Variants in KIAA1217 observed in about 807,000 individuals in gnomAD.
KIAA1217 encodes the protein sickle tail protein homolog.
A neutral mutation model predicts 163.9 loss-of-function variants in KIAA1217; 88 were observed. The ratio of observed to expected loss-of-function variants is 0.54; its 90% CI spans 0.45 to 0.64. The LOEUF (loss-of-function observed/expected upper bound fraction) is 0.64, where lower values mean the gene tolerates loss of function less well. Among genes scored for constraint, KIAA1217 ranks in the 30% least tolerant of loss-of-function variants. The pLI is 0.00. For missense variants in KIAA1217, 2,372 were observed against 2,475.0 expected, an observed-to-expected ratio of 0.96 and a Z score of 0.88; for synonymous variants, 903 against 923.1, an observed-to-expected ratio of 0.98 and a Z score of 0.39.
intron 2 of KIAA1217, among the ~76,000 whole-genome samples, chr10:24,226,442 C>G (rs901656162): frequency 6.6e-6 from 1 of 151,210 alleles, no homozygotes; most frequent in Non-Finnish European, 1.5e-5. Context: ...CTGGCTAACA[C>G]GGTGAAACCC....
chr10:24,009,390 T>C (rs182552708), intron 2 of KIAA1217, among the ~76,000 whole-genome samples: 4 of 152,238 alleles, frequency 2.6e-5, no homozygotes, highest in Admixed American at 1.3e-4. Context: ...GATTTTTTTT[T>C]TTAAAGCCCA....
chr10:23,941,444 A>G (rs1365170381), intron 1 of KIAA1217, among the ~76,000 whole-genome samples: 1 of 152,202 alleles, frequency 6.6e-6, no homozygotes, highest in Admixed American at 6.5e-5. Context: ...GACCCTGGAT[A>G]ATGGGACCAC....
At chr10:23,899,036 A>G (rs1841840763) in intron 1 of KIAA1217, among the ~76,000 whole-genome samples, 2 of 152,058 alleles carry the variant, frequency 1.3e-5, no homozygotes, top group Non-Finnish European at 2.9e-5. Context: ...CCACTATTTC[A>G]TAACTTATTT....
Position 24,538,732 on chromosome 10 carries a change from G to GTTTTTTTTTTT in KIAA1217, c.3534+1847_3534+1857dup, listed in dbSNP as rs756717624. The stretch of plus-strand genomic sequence containing the variant: ...AATATATTGATTTTTATTGTTTTTG[G>GTTTTTTTTTTT]TTTTTTTTTTTTTTTTTTGTGAGAC... On this transcript the variant is annotated intron_variant, in intron 17 of 20. Coordinates refer to ENST00000376454, the MANE Select transcript of KIAA1217 (RefSeq NM_019590.5). Among the ~76,000 whole-genome samples the GTTTTTTTTTTT allele has an allele frequency of 9.1e-5, 8 of 87,752 alleles. 1 individual carries two copies. The highest frequency in any genetic ancestry group is 1.5e-4 in the Non-Finnish European group (7 of 45,750). 57.6% of individuals were successfully genotyped at this position (87,752 alleles called of 152,430 possible). A position where few individuals can be genotyped will look rare whatever the true frequency, so the allele number is the denominator to read the frequency against.
chr10:24,267,700 T>A (rs2076367651), intron 2 of KIAA1217, among the ~76,000 whole-genome samples: 1 of 152,224 alleles, frequency 6.6e-6, no homozygotes, highest in Non-Finnish European at 1.5e-5. Context: ...CCATTATTTT[T>A]GTATTTTGTA....
chr10:24,224,009 T>A (rs567957889), intron 2 of KIAA1217, among the ~76,000 whole-genome samples: 1 of 152,208 alleles, frequency 6.6e-6, no homozygotes. Context: ...GCAAAACTTC[T>A]GTTTGTCTTT....
chr10:24,316,371 T>C (rs2043372525), intron 2 of KIAA1217, among the ~76,000 whole-genome samples: 1 of 152,202 alleles, frequency 6.6e-6, no homozygotes, highest in Admixed American at 6.5e-5. Context: ...GACTTTCAAT[T>C]TTAAAACTGA....
At chr10:24,218,750 A>G (rs2069182516) in intron 1 of KIAA1217, among the ~76,000 whole-genome samples, 1 of 151,996 alleles carries the variant, frequency 6.6e-6, no homozygotes, top group Non-Finnish European at 1.5e-5. Flanking sequence ...CGGCCTCCCA[A>G]AGTGCTGGGA....
chr10:24,390,529 G>A (rs546477242), intron 3 of KIAA1217, among the ~76,000 whole-genome samples: 5 of 135,970 alleles, frequency 3.7e-5, no homozygotes, highest in African/African-American at 1.4e-4. Context: ...AGGAAGGAAG[G>A]AAAATTATGA....
intron 1 of KIAA1217, among the ~76,000 whole-genome samples, chr10:23,790,651 G>GTA (rs1196013030): frequency 5.6e-5 from 7 of 125,934 alleles, no homozygotes; most frequent in South Asian, 4.4e-4. Context: ...ATACATATGT[G>GTA]TATATATATA....
At chr10:24,526,214 A>C (rs2072136231) in intron 13 of KIAA1217, among the ~76,000 whole-genome samples, 1 of 151,940 alleles carries the variant, frequency 6.6e-6, no homozygotes, top group South Asian at 2.1e-4. Context: ...TATCGAGACG[A>C]CCTGGCAAAA....
At chr10:23,979,763 C>T (rs761399255) in intron 1 of KIAA1217, among the ~76,000 whole-genome samples, 5 of 152,120 alleles carry the variant, frequency 3.3e-5, no homozygotes, top group African/African-American at 4.8e-5. Flanking sequence ...TCTCTCCCCT[C>T]ACTCCCTTCT....
At chr10:24,348,644 A>G (rs1005899914) in intron 2 of KIAA1217, among the ~76,000 whole-genome samples, 5 of 152,218 alleles carry the variant, frequency 3.3e-5, no homozygotes, top group African/African-American at 1.2e-4. Context: ...TAAAGAAGAA[A>G]TGTATACATA....
chr10:24,251,630 T>C (rs1016692199), intron 2 of KIAA1217, among the ~76,000 whole-genome samples: 1 of 151,704 alleles, frequency 6.6e-6, no homozygotes, highest in South Asian at 2.1e-4. Context: ...AAGATGGGGC[T>C]CCCCCTCTCC....
intron 13 of KIAA1217, among the ~76,000 whole-genome samples, chr10:24,525,684 G>A (rs1225898046): frequency 6.6e-6 from 1 of 152,110 alleles, no homozygotes; most frequent in African/African-American, 2.4e-5. Flanking sequence ...GAGAAAACTA[G>A]GTCTTAAGAC....
intron 14 of KIAA1217, among the ~76,000 whole-genome samples, chr10:24,531,337 A>G (rs1222779904): frequency 6.6e-6 from 1 of 152,134 alleles, no homozygotes; most frequent in Non-Finnish European, 1.5e-5. Context: ...TCTGACATTG[A>G]CCTTCAGCAG....
intron 1 of KIAA1217, among the ~76,000 whole-genome samples, chr10:23,700,113 G>A (rs1836330826): frequency 6.6e-6 from 1 of 152,122 alleles, no homozygotes; most frequent in Non-Finnish European, 1.5e-5. Context: ...ATGGATAGAC[G>A]TGACCCTAAT....
In KIAA1217 at chr10:24,065,343, T is replaced by A. The variant is rs1277201091; in HGVS notation, c.-171+57969T>A. ...GTCCCAGAGATTCTGGTATGTTGTG[T>A]CTTTGTTCTCGTTGGTTTCAAAGAA... On this transcript the variant is annotated intron_variant, in intron 2 of 18. Coordinates refer to the KIAA1217 transcript ENST00000376462. Among the ~76,000 whole-genome samples, 9 of 152,312 alleles carry A rather than the reference T, an allele frequency of 5.9e-5. No homozygotes were observed. In the East Asian group the frequency reaches 1.7e-3, roughly 29 times the overall value.
intron 1 of KIAA1217, among the ~76,000 whole-genome samples, chr10:23,994,359 C>A (rs1030116927): frequency 2.0e-5 from 3 of 152,132 alleles, no homozygotes; most frequent in Non-Finnish European, 2.9e-5. Flanking sequence ...GTGGAAATCT[C>A]CTTTGTGCTG....
Sources: gnomAD v4.1 joint callset for allele counts (sites outside exome capture counted in the v4.1 genomes callset) on GRCh38, gnomAD v4.1.1 for gene constraint, MANE v1.5 for transcripts, NCBI Gene and HGNC (gene_info 2026-07-23, HGNC 2026-07-21) for gene names.